The following NF1 variants were observed in gnomAD, a reference collection of about 807,000 sequenced individuals.
The protein encoded by NF1 is neurofibromin 1.
A neutral mutation model predicts 325.7 loss-of-function variants in NF1; 122 were observed. The observed-to-expected ratio is 0.37, with a 90% CI of 0.32 to 0.44. The LOEUF is 0.44. NF1 is among the 20% of genes least tolerant of loss of function. NF1 has a pLI of 1.00. For missense variants in NF1, 2,140 were observed against 3,415.4 expected, an observed-to-expected ratio of 0.63 and a Z score of 9.31; for synonymous variants, 1,091 against 1,186.0, an observed-to-expected ratio of 0.92 and a Z score of 1.65.
At chr17:31,225,567 T>G (rs2066998998) in intron 17 of NF1, among the ~76,000 whole-genome samples, 1 of 152,102 alleles carries the variant, frequency 6.6e-6, no homozygotes, top group Admixed American at 6.5e-5. Flanking sequence ...CTCCACTCCA[T>G]AAAAAACCCA....
At chr17:31,203,197 CAG>C (rs1272523969) in intron 11 of NF1, among the ~76,000 whole-genome samples, 1 of 152,118 alleles carries the variant, frequency 6.6e-6, no homozygotes, top group African/African-American at 2.4e-5. Context: ...ATGCATGCCT[CAG>C]TGTACTTGGT....
intron 1 of NF1, among the ~76,000 whole-genome samples, chr17:31,098,338 C>T (rs551427765): frequency 1.3e-5 from 2 of 151,834 alleles, no homozygotes; most frequent in East Asian, 3.9e-4. Flanking sequence ...TGTTCTAATC[C>T]ATTAAATATA....
rs750100751 is a variant in NF1 at position 31,248,972 on chromosome 17, A to T, written c.3975-12A>T. ...ACAAAAGTGTTAGGATTTTATTTTT[A>T]TTTTTTTGTAGGTTAGAACCATCAG... On this transcript the variant is annotated splice_polypyrimidine_tract_variant and intron_variant, in intron 29 of 57. Transcript: ENST00000358273. 1.9e-6 allele frequency: 3 copies of T among 1,613,068 alleles called. No homozygotes were observed. The highest frequency in any genetic ancestry group is 1.7e-6 in the Non-Finnish European group (2 of 1,179,610).
At chr17:31,320,396 A>T (rs1447772645) in intron 36 of NF1, 1 of 1,610,606 alleles carries the variant, frequency 6.2e-7, no homozygotes, top group Admixed American at 1.7e-5. Context: ...GTAGGGCCTG[A>T]AAGTCTTTGT....
chr17:31,217,548 G>T (rs183246424), intron 13 of NF1, among the ~76,000 whole-genome samples: 2 of 151,586 alleles, frequency 1.3e-5, no homozygotes, highest in Admixed American at 6.6e-5. Context: ...CAAGCACTCC[G>T]CCTGCCTTGG....
rs1491360476 is a variant in NF1 at position 31,332,573 on chromosome 17, GGT to G, written c.5812+2076_5812+2077del. ...GGATTAACAGTAACATACAGATCAT[GGT>G]TTTTTTTTTTTTTTTATTATACTCT... On this transcript the variant is annotated intron_variant, in intron 39 of 57. Coordinates refer to ENST00000358273, the MANE Select transcript of NF1 (RefSeq NM_001042492.3). Among the ~76,000 whole-genome samples, 12 of 91,936 alleles carry G rather than the reference GGT, an allele frequency of 1.3e-4. 3 individuals carry two copies. The highest frequency in any genetic ancestry group is 3.2e-4 in the African/African-American group (10 of 31,328). 60.3% of individuals were successfully genotyped at this position (91,936 alleles called of 152,430 possible).
At chr17:31,327,335 C>T (rs1262995345) in intron 37 of NF1, among the ~76,000 whole-genome samples, 164 bp from the exon 38 acceptor site, 1 of 152,130 alleles carries the variant, frequency 6.6e-6, no homozygotes, top group African/African-American at 2.4e-5. Context: ...CTTTTGAGAA[C>T]ATTTATCATA....
rs2151553839 is a variant in NF1, at chr17:31,336,531, T to C, written c.6147+58T>C. On this transcript the variant is annotated intron_variant, in intron 41 of 57. Coordinates refer to ENST00000358273, the MANE Select transcript of NF1 (RefSeq NM_001042492.3). This position sits in a 1 kb window ranked among gnomAD's most constrained non-coding sequence, Gnocchi z 5.5. ...GCATATCTGTTTTATCATCAGGAGG[T>C]TTTTTGTTTTGTAATTACTTTTAAA... 1 of 1,610,218 alleles carries C rather than the reference T, an allele frequency of 6.2e-7. No homozygotes were observed. The highest frequency in any genetic ancestry group is 8.5e-7 in the Non-Finnish European group (1 of 1,177,726).
At chr17:31,268,878 A>AT (rs1026587119) in intron 36 of NF1, among the ~76,000 whole-genome samples, 7 of 150,686 alleles carry the variant, frequency 4.6e-5, no homozygotes, top group South Asian at 2.1e-4. Context: ...TATTATTATT[A>AT]TTTTTTTTGT....
At chr17:31,115,630 C>T (rs1597577165) in intron 1 of NF1, among the ~76,000 whole-genome samples, 1 of 152,234 alleles carries the variant, frequency 6.6e-6, no homozygotes, top group African/African-American at 2.4e-5. Flanking sequence ...CCAGCTGCTT[C>T]TGGGTGATGG....
chr17:31,338,166 A>G (rs2151558520), intron 45 of NF1, 27 bp downstream of exon 45: 4 of 1,464,346 alleles, frequency 2.7e-6, no homozygotes, highest in Non-Finnish European at 3.8e-6. Flanking sequence ...CACTTCTCCC[A>G]AATATTTATG....
chr17:31,287,760 G>A (rs937769877), intron 36 of NF1, among the ~76,000 whole-genome samples: 8 of 151,870 alleles, frequency 5.3e-5, no homozygotes, highest in Non-Finnish European at 1.0e-4. Context: ...AGGGTTTGCC[G>A]GGCTCAGAGC....
chr17:31,158,426 C>T (rs1385775106), intron 2 of NF1, among the ~76,000 whole-genome samples: 4 of 152,130 alleles, frequency 2.6e-5, no homozygotes, highest in Non-Finnish European at 4.4e-5. Context: ...AGTATTTGCA[C>T]ATATGAATAT....
intron 39 of NF1, chr17:31,331,904 T>TAAAAAAAAAAAA (rs755592420): frequency 2.3e-5 from 1 of 42,882 alleles, no homozygotes; most frequent in African/African-American, 1.3e-4. Context: ...CCTTCTCTAT[T>TAAAAAAAAAAAA]AAAAAAAAAA....
intron 43 of NF1, 114 bp downstream of exon 43, chr17:31,337,696 A>G (rs1345990552): frequency 7.1e-7 from 1 of 1,402,466 alleles, no homozygotes; most frequent in East Asian, 2.5e-5. Context: ...ATGCTTAAAT[A>G]AAAACACTTG....
intron 48 of NF1, 37 bp from the exon 49 acceptor site, chr17:31,349,083 T>C (rs749760582): frequency 6.4e-7 from 1 of 1,550,706 alleles, no homozygotes; most frequent in South Asian, 1.2e-5. Context: ...AAATTAATTC[T>C]TACTTGTTTG....
At chr17:31,273,445 C>T (rs2067942354) in intron 36 of NF1, 1 of 152,154 alleles carries the variant, frequency 6.6e-6, no homozygotes, top group Admixed American at 6.5e-5. Flanking sequence ...GGGTGCATAT[C>T]TAAAAATGAC....
At chr17:31,131,003 C>T (rs942303706) in intron 1 of NF1, among the ~76,000 whole-genome samples, 2 of 152,138 alleles carry the variant, frequency 1.3e-5, no homozygotes, top group Non-Finnish European at 2.9e-5. Flanking sequence ...CTGCAAGCAT[C>T]CTGGCCAGGC....
chr17:31,270,891 A>T (rs887700800), intron 36 of NF1, among the ~76,000 whole-genome samples: 2 of 152,252 alleles, frequency 1.3e-5, no homozygotes. Context: ...CTGGAACATT[A>T]AAACAAACAT....
Sources: gnomAD v4.1 joint callset for allele counts (sites outside exome capture counted in the v4.1 genomes callset) on GRCh38, gnomAD v4.1.1 for gene constraint, Gnocchi (gnomAD v3.1) non-coding constraint, MANE v1.5 for transcripts, NCBI Gene and HGNC (gene_info 2026-07-23, HGNC 2026-07-21) for gene names.